Variants in ANGPT1 observed in about 807,000 individuals in gnomAD.
ANGPT1 encodes angiopoietin-1.
In ANGPT1, 17 loss-of-function variants were observed where a neutral mutation model predicts 62.2. That is an observed-to-expected ratio of 0.27 (90% confidence interval 0.19 to 0.41). ANGPT1 has a LOEUF of 0.41. Ranked by LOEUF, ANGPT1 falls within the 10% of genes least tolerant of loss-of-function variation. The pLI is 1.00. For synonymous variants in ANGPT1, 199 were observed against 198.9 expected, an observed-to-expected ratio of 1.00 and a Z score of 0.00; for missense variants, 478 against 594.9, an observed-to-expected ratio of 0.80 and a Z score of 2.04.
At chr8:107,309,933 CT>C (rs1000603210) in intron 4 of ANGPT1, among the ~76,000 whole-genome samples, 1 of 152,008 alleles carries the variant, frequency 6.6e-6, no homozygotes, top group African/African-American at 2.4e-5. Context: ...TAAAAGTGTA[CT>C]TTTTTATTTA....
intron 1 of ANGPT1, among the ~76,000 whole-genome samples, chr8:107,471,846 C>A (rs904744129): frequency 1.3e-5 from 2 of 152,050 alleles, no homozygotes; most frequent in Non-Finnish European, 2.9e-5. Context: ...ACTTGTCTAT[C>A]AAATTCAGAG....
intron 7 of ANGPT1, among the ~76,000 whole-genome samples, chr8:107,273,135 C>T (rs537557967): frequency 6.6e-6 from 1 of 152,102 alleles, no homozygotes; most frequent in South Asian, 2.1e-4. Context: ...CCTTGTAAAA[C>T]TTGTGATTGA....
intron 1 of ANGPT1, among the ~76,000 whole-genome samples, chr8:107,466,924 C>CATCTCAAA (rs1812216802): frequency 6.6e-6 from 1 of 151,826 alleles, no homozygotes; most frequent in Non-Finnish European, 1.5e-5. Flanking sequence ...AAATTATAAT[C>CATCTCAAA]GAGAAATATA....
chr8:107,372,866 GTC>G (rs953440634), intron 1 of ANGPT1, among the ~76,000 whole-genome samples: 4 of 151,622 alleles, frequency 2.6e-5, no homozygotes, highest in African/African-American at 9.7e-5. Context: ...CGTGACTAGA[GTC>G]TACGCCAGGT....
intron 1 of ANGPT1, among the ~76,000 whole-genome samples, chr8:107,370,700 C>A (rs1169083302): frequency 0.013 from 960 of 75,356 alleles, no homozygotes; most frequent in South Asian, 0.015. Flanking sequence ...AAGACTCTGT[C>A]AAAAAAAAAA....
At chr8:107,263,130 G>A (rs1813532320) in intron 8 of ANGPT1, among the ~76,000 whole-genome samples, 1 of 151,974 alleles carries the variant, frequency 6.6e-6, no homozygotes, top group Non-Finnish European at 1.5e-5. Flanking sequence ...AAGGTGGGCG[G>A]ATCACTTGAG....
At chr8:107,426,706 T>C (rs1250027332) in intron 1 of ANGPT1, among the ~76,000 whole-genome samples, 1 of 152,210 alleles carries the variant, frequency 6.6e-6, no homozygotes, top group Non-Finnish European at 1.5e-5. Flanking sequence ...TAGAAGATTC[T>C]CCACCAAATC....
chr8:107,257,659 T>C (rs1282734089), intron 8 of ANGPT1, among the ~76,000 whole-genome samples: 1 of 152,128 alleles, frequency 6.6e-6, no homozygotes, highest in Non-Finnish European at 1.5e-5. Context: ...CATCACTAAC[T>C]AAGAATGAGT....
At chr8:107,369,201 C>T (rs1816331480) in intron 1 of ANGPT1, among the ~76,000 whole-genome samples, 1 of 152,162 alleles carries the variant, frequency 6.6e-6, no homozygotes, top group Non-Finnish European at 1.5e-5. Context: ...CCTCACCTTG[C>T]CCTTTTATGT....
intron 7 of ANGPT1, 55 bp downstream of exon 7, chr8:107,284,627 A>G (rs999546980): frequency 1.5e-6 from 2 of 1,313,364 alleles, no homozygotes; most frequent in Admixed American, 2.7e-5. Context: ...TCCCACTACA[A>G]TTATTAAGTG....
chr8:107,317,716 C>G (rs927423041), intron 4 of ANGPT1, among the ~76,000 whole-genome samples: 1 of 151,408 alleles, frequency 6.6e-6, no homozygotes, highest in South Asian at 2.1e-4. Flanking sequence ...CTGCAACCTT[C>G]GCCTCCTGGG....
chr8:107,275,094 A>T (rs930989694), intron 7 of ANGPT1, among the ~76,000 whole-genome samples: 3 of 152,094 alleles, frequency 2.0e-5, no homozygotes, highest in African/African-American at 7.2e-5. Flanking sequence ...ATAGAGGTTG[A>T]GTTCTGTGGG....
chr8:107,342,862 G>T (rs1249137901), intron 2 of ANGPT1, among the ~76,000 whole-genome samples: 2 of 150,866 alleles, frequency 1.3e-5, no homozygotes, highest in African/African-American at 2.4e-5. Context: ...TAAAGATAGG[G>T]TCTTGCTCTG....
At chr8:107,353,639 A>G (rs1815979363) in intron 1 of ANGPT1, among the ~76,000 whole-genome samples, 1 of 152,014 alleles carries the variant, frequency 6.6e-6, no homozygotes, top group South Asian at 2.1e-4. Context: ...ATCACCTCAC[A>G]CATGGCAAAA....
chr8:107,492,686 A>T (rs1015643165), intron 1 of ANGPT1, among the ~76,000 whole-genome samples: 1 of 150,328 alleles, frequency 6.7e-6, no homozygotes, highest in Non-Finnish European at 1.5e-5. Flanking sequence ...ATGTGAAAAT[A>T]AAACATAAGA....
intron 1 of ANGPT1, among the ~76,000 whole-genome samples, chr8:107,411,396 A>G (rs1586299811): frequency 6.6e-6 from 1 of 152,178 alleles, no homozygotes; most frequent in African/African-American, 2.4e-5. Context: ...TTAGTTTCCT[A>G]TGAGGTATAA....
rs1563568046 is a variant in ANGPT1, at chr8:107,322,014, G to A, written c.690C>T (p.Ile230=). The change falls in exon 4 of 9, where the codon ATC becomes ATT. Residue 230 remains isoleucine (I), a synonymous_variant. Coordinates refer to ENST00000517746, the MANE Select transcript of ANGPT1 (RefSeq NM_001146.5). ...TGTTTAATTGCTTTTCCAGCTCCTG[G>A]ATTATATATGTTTGACGAGTAACCA... is the stretch of plus-strand genomic sequence containing the variant. ...QGLVTRQTYI[I]QELEKQLNRA... 6.2e-7 allele frequency: 1 copy of A among 1,613,932 alleles called. No individual in the cohort carries two copies. Among genetic ancestry groups the A allele is most frequent in the East Asian group, 2.2e-5 (1 of 44,852 alleles).
chr8:107,252,958 AC>A (rs1404562422), intron 8 of ANGPT1, among the ~76,000 whole-genome samples: 1 of 152,168 alleles, frequency 6.6e-6, no homozygotes, highest in African/African-American at 2.4e-5. Flanking sequence ...TACCTAAGGG[AC>A]TAATAGCTAA....
chr8:107,282,982 GACACACATGCATATGCATGTGTATGC>G, intron 7 of ANGPT1, among the ~76,000 whole-genome samples: 1 of 138,168 alleles, frequency 7.2e-6, no homozygotes, highest in South Asian at 2.3e-4. Flanking sequence ...CTCCAAGCCT[GACACACATGCATATGCATGTGTATGC>G]ACACACACAC....
Sources: gnomAD v4.1 joint callset for allele counts (sites outside exome capture counted in the v4.1 genomes callset) on GRCh38, gnomAD v4.1.1 for gene constraint, MANE v1.5 for transcripts, NCBI Gene and HGNC (gene_info 2026-07-23, HGNC 2026-07-21) for gene names.